ADAM22: variants seen among roughly 807,000 people sequenced by gnomAD.
ADAM22 encodes ADAM metallopeptidase domain 22.
In ADAM22, 65 loss-of-function variants were observed where a neutral mutation model predicts 144.6. The ratio of observed to expected loss-of-function variants is 0.45; its 90% CI spans 0.37 to 0.55. ADAM22 has a LOEUF of 0.55. Among genes scored for constraint, ADAM22 ranks in the 20% least tolerant of loss-of-function variants. The pLI, the probability that ADAM22 is intolerant of heterozygous loss-of-function variation, is 0.00. For missense variants in ADAM22, 974 were observed against 1,184.9 expected, an observed-to-expected ratio of 0.82 and a Z score of 2.61; for synonymous variants, 391 against 412.6, an observed-to-expected ratio of 0.95 and a Z score of 0.63.
At chr7:88,157,917 T>C (rs1353803730) in intron 22 of ADAM22, among the ~76,000 whole-genome samples, 1 of 152,132 alleles carries the variant, frequency 6.6e-6, no homozygotes, top group African/African-American at 2.4e-5. Flanking sequence ...GGGGATTGAA[T>C]GTAAATGGCC....
chr7:88,083,122 A>G (rs1194599343), intron 4 of ADAM22, among the ~76,000 whole-genome samples: 1 of 152,232 alleles, frequency 6.6e-6, no homozygotes, highest in Non-Finnish European at 1.5e-5. Context: ...GATTAAGAAA[A>G]TGTGGCACAC....
chr7:87,934,617 G>T, intron 1 of ADAM22, 67 bp downstream of exon 1: 2 of 1,427,956 alleles, frequency 1.4e-6, no homozygotes, highest in Admixed American at 2.1e-5. Context: ...GCCCTCAGGC[G>T]TATTGAAAAG....
chr7:88,120,715 A>G (rs1444843095), intron 7 of ADAM22, among the ~76,000 whole-genome samples: 1 of 152,192 alleles, frequency 6.6e-6, no homozygotes, highest in Non-Finnish European at 1.5e-5. Flanking sequence ...TATTTTTCCC[A>G]GTCTTTGGCT....
chr7:88,092,750 T>A lies in ADAM22; in HGVS notation c.391-15426T>A, dbSNP rs527329945. On this transcript the variant is annotated intron_variant, in intron 4 of 31. Transcript: ENST00000413139. ...TAATGCATCAACTGCCTTAATGGCA[T>A]TGTTAAGATTGCAAGTGGTCTTAAC... 2.3e-3 allele frequency among the ~76,000 whole-genome samples: 343 copies of A among 152,356 alleles called. 2 individuals carry two copies. The highest frequency in any genetic ancestry group is 7.7e-3 in the African/African-American group (322 of 41,590).
At chr7:88,082,253 G>C (rs546903633) in intron 4 of ADAM22, among the ~76,000 whole-genome samples, 1 of 152,100 alleles carries the variant, frequency 6.6e-6, no homozygotes, top group Non-Finnish European at 1.5e-5. Context: ...TCCCTATTTA[G>C]TAAATGGTGC....
rs1554404321 is a variant in ADAM22, at chr7:88,017,811, A to ATGTGTGTGTATATATATG, written c.323+39408_323+39409insATATATATGTGTGTGTGT. ...TATATATATATGTGTGTGTATATATATGTGTGTGTGTGTATAAATACATAC... is the reference window on the plus strand; with the variant it reads ...TATATATATATGTGTGTGTATATATATGTGTGTGTATATATATGTGTGTGTGTGTGTATAAATACATAC... On this transcript the variant is annotated intron_variant, in intron 3 of 31. Transcript: ENST00000413139. Among the ~76,000 whole-genome samples, 6 of 151,744 alleles carry ATGTGTGTGTATATATATG rather than the reference A, an allele frequency of 4.0e-5. No individual in the cohort carries two copies. In the East Asian group the frequency reaches 1.2e-3, roughly 29 times the overall value.
At chr7:88,045,675 C>T (rs1203930375) in intron 3 of ADAM22, among the ~76,000 whole-genome samples, 1 of 152,134 alleles carries the variant, frequency 6.6e-6, no homozygotes, top group Non-Finnish European at 1.5e-5. Context: ...ACCAGTGTCT[C>T]TCTGTACACC....
At chr7:88,160,015 G>A (rs756206553) in intron 22 of ADAM22, among the ~76,000 whole-genome samples, 7 of 151,930 alleles carry the variant, frequency 4.6e-5, no homozygotes, top group Non-Finnish European at 8.8e-5. Flanking sequence ...CCATAGTCTC[G>A]ACCTAAAAGC....
At chr7:88,039,464 A>AAAAAAAAAAATATATATATATATATATAT in intron 3 of ADAM22, among the ~76,000 whole-genome samples, 1 of 76,378 alleles carries the variant, frequency 1.3e-5, no homozygotes, top group African/African-American at 4.7e-5. Context: ...AAAAAAAAAA[A>AAAAAAAAAAATATATATATATATATATAT]ATATATATAT....
At chr7:88,019,265 G>C (rs916027515) in intron 3 of ADAM22, among the ~76,000 whole-genome samples, 1 of 152,100 alleles carries the variant, frequency 6.6e-6, no homozygotes, top group African/African-American at 2.4e-5. Flanking sequence ...CTTGAGGCCA[G>C]GAGTTGGAGA....
Position 87,984,026 on chromosome 7 carries a change from T to C in ADAM22, c.323+5614T>C, listed in dbSNP as rs533182442. On this transcript the variant is annotated intron_variant, in intron 3 of 31. Transcript: ENST00000413139. Reference sequence around the variant, plus strand: ...TCGATGCTGATAATAAACTTGACTTTGTCATGTTGGATAATTCATTGTTTT... The same window carrying C: ...TCGATGCTGATAATAAACTTGACTTCGTCATGTTGGATAATTCATTGTTTT... Among the ~76,000 whole-genome samples the C allele has an allele frequency of 6.8e-4, 103 of 152,204 alleles. 1 individual carries two copies. The highest frequency in any genetic ancestry group is 3.5e-3 in the Admixed American group (53 of 15,284).
chr7:87,982,066 T>TACAC (rs376989136), intron 3 of ADAM22, among the ~76,000 whole-genome samples: 1,567 of 86,252 alleles, frequency 0.018, 8 homozygotes, highest in Admixed American at 0.026. Context: ...TATATATATA[T>TACAC]ATACACACAC....
intron 10 of ADAM22, among the ~76,000 whole-genome samples, chr7:88,130,710 G>A (rs929293970): frequency 2.0e-5 from 3 of 152,110 alleles, no homozygotes; most frequent in Non-Finnish European, 4.4e-5. Context: ...AAAAACAAAG[G>A]TTGTGTCATA....
intron 30 of ADAM22, among the ~76,000 whole-genome samples, chr7:88,188,626 G>T (rs1042403620): frequency 2.6e-5 from 4 of 152,190 alleles, no homozygotes; most frequent in African/African-American, 9.7e-5. Flanking sequence ...CAGAATTTCT[G>T]TGGTGGTGGT....
chr7:88,009,493 G>C (rs1003752272), intron 3 of ADAM22, among the ~76,000 whole-genome samples: 6 of 152,086 alleles, frequency 3.9e-5, no homozygotes, highest in African/African-American at 9.7e-5. Flanking sequence ...AGTCTTTGCT[G>C]TATATAGAAA....
chr7:88,169,848 G>T (rs1460329800), intron 25 of ADAM22, among the ~76,000 whole-genome samples: 3 of 152,022 alleles, frequency 2.0e-5, no homozygotes, highest in Admixed American at 6.6e-5. Context: ...TAGCTCAGTT[G>T]TTTCATTTGG....
intron 2 of ADAM22, among the ~76,000 whole-genome samples, chr7:87,961,858 A>G (rs1361350332): frequency 6.6e-6 from 1 of 152,196 alleles, no homozygotes; most frequent in African/African-American, 2.4e-5. Context: ...GGGGTTGAGG[A>G]ACTGTCTCAA....
chr7:87,989,718 C>A (rs1022825526), intron 3 of ADAM22, among the ~76,000 whole-genome samples: 6 of 152,158 alleles, frequency 3.9e-5, no homozygotes, highest in Non-Finnish European at 7.4e-5. Flanking sequence ...GAGTTTGAGA[C>A]CTGCCTGGCC....
chr7:88,018,003 T>C (rs999852065), intron 3 of ADAM22, among the ~76,000 whole-genome samples: 1 of 152,182 alleles, frequency 6.6e-6, no homozygotes, highest in African/African-American at 2.4e-5. Flanking sequence ...GATGGTCCCA[T>C]TGAGTTACTA....
Sources: allele counts gnomAD v4.1 joint callset (sites outside exome capture counted in the v4.1 genomes callset), GRCh38; gene constraint gnomAD v4.1.1; transcripts MANE v1.5; gene names NCBI Gene and HGNC (gene_info 2026-07-23, HGNC 2026-07-21).